The following KHDRBS2 variants were observed in gnomAD, a reference collection of about 807,000 sequenced individuals.
KHDRBS2 encodes KH domain-containing, RNA-binding, signal transduction-associated protein 2.
KHDRBS2 carries 26 observed loss-of-function variants against 44.3 expected under a neutral mutation model. That is an observed-to-expected ratio of 0.59 (90% CI 0.43 to 0.81). The LOEUF (loss-of-function observed/expected upper bound fraction) is 0.81. KHDRBS2 is among the 40% of genes least tolerant of loss of function. The pLI, the probability that KHDRBS2 is intolerant of heterozygous loss-of-function variation, is 0.00. For synonymous variants in KHDRBS2, 194 were observed against 151.1 expected (o/e 1.28, Z -2.08); for missense variants, 476 against 433.1 (o/e 1.10, Z -0.88).
rs147468033 is a variant in KHDRBS2 at position 62,223,487 on chromosome 6, T to C, written c.92-46175A>G. On this transcript the variant is annotated intron_variant, in intron 1 of 8. Transcript: ENST00000281156. ...GACATTTTCCCCATTGTCTTGGGGA[T>C]TAACATTTGGCTCCTTGTTACTTAT... Among the ~76,000 whole-genome samples, 1,115 of 152,326 alleles carry C rather than the reference T, an allele frequency of 7.3e-3. 7 individuals carry two copies. Among genetic ancestry groups the C allele is most frequent in the Non-Finnish European group, 0.012 (832 of 68,026 alleles).
intron 2 of KHDRBS2, among the ~76,000 whole-genome samples, chr6:62,105,223 C>T (rs1047703686): frequency 1.3e-5 from 2 of 152,070 alleles, no homozygotes; most frequent in Non-Finnish European, 1.5e-5. Context: ...TAATTCTACA[C>T]CAATTCTTCC....
At chr6:61,587,699 A>G in the KHDRBS2 span, among the ~76,000 whole-genome samples, 4 of 152,148 alleles carry the variant, frequency 2.6e-5, no homozygotes, top group Non-Finnish European at 2.9e-5. Flanking sequence ...TCTTTATGCT[A>G]TAAGAACAAT....
At chr6:62,116,610 A>T (rs1425121897) in intron 2 of KHDRBS2, among the ~76,000 whole-genome samples, 3 of 152,184 alleles carry the variant, frequency 2.0e-5, no homozygotes, top group African/African-American at 7.2e-5. Context: ...TGTGTTGGGA[A>T]CATTCTAAAG....
rs200082850 is a variant in KHDRBS2 at position 62,240,662 on chromosome 6, A to ATGTG, written c.91+45192_91+45195dup. Reference sequence around the variant, plus strand: ...TATGTGTGTGTGTATGTGTGTATGTATGTGTGTGTGTATATATATATATAT... The same window carrying ATGTG: ...TATGTGTGTGTGTATGTGTGTATGTATGTGTGTGTGTGTGTATATATATATATAT... On this transcript the variant is annotated intron_variant, in intron 1 of 8. Transcript: ENST00000281156. Among the ~76,000 whole-genome samples, 257 of 87,926 alleles carry ATGTG rather than the reference A, an allele frequency of 2.9e-3. 1 individual carries two copies. The highest frequency in any genetic ancestry group is 4.5e-3 in the Non-Finnish European group (192 of 42,926). 57.7% of individuals were successfully genotyped at this position (87,926 alleles called of 152,430 possible). A position where few individuals can be genotyped will look rare whatever the true frequency, so the allele number is the denominator to read the frequency against.
intron 6 of KHDRBS2, among the ~76,000 whole-genome samples, chr6:61,823,395 T>C (rs1286784730): frequency 1.3e-5 from 2 of 152,106 alleles, no homozygotes; most frequent in Non-Finnish European, 2.9e-5. Context: ...CAGAATATCA[T>C]TGCTATTCTT....
chr6:61,900,504 C>T (rs1002544946), intron 5 of KHDRBS2, among the ~76,000 whole-genome samples: 6 of 151,940 alleles, frequency 3.9e-5, no homozygotes, highest in Non-Finnish European at 8.8e-5. Context: ...CAAACCAATG[C>T]CTTCTATTAA....
At chr6:61,920,659 G>A (rs1353957148) in intron 4 of KHDRBS2, among the ~76,000 whole-genome samples, 10 of 151,880 alleles carry the variant, frequency 6.6e-5, no homozygotes, top group Admixed American at 1.3e-4. Context: ...TAAGGTCTAG[G>A]GTGAGAATAT....
At chr6:61,564,803 A>G in the KHDRBS2 span, among the ~76,000 whole-genome samples, 2 of 152,088 alleles carry the variant, frequency 1.3e-5, no homozygotes, top group South Asian at 2.1e-4. Flanking sequence ...AATATTATGT[A>G]GACAAAAAAA....
the KHDRBS2 span, among the ~76,000 whole-genome samples, chr6:61,607,652 T>C: frequency 0.19 from 29,098 of 151,314 alleles, 3,237 homozygotes; most frequent in South Asian, 0.33. Context: ...CTCAAGAAGA[T>C]GTAGAAATTA....
intron 1 of KHDRBS2, among the ~76,000 whole-genome samples, chr6:62,221,331 G>T (rs1830858877): frequency 6.6e-6 from 1 of 152,014 alleles, no homozygotes; most frequent in Non-Finnish European, 1.5e-5. Context: ...GGAGATATAT[G>T]TCAAAGGATA....
chr6:62,150,116 G>A (rs952323790), intron 2 of KHDRBS2, among the ~76,000 whole-genome samples: 1 of 152,052 alleles, frequency 6.6e-6, no homozygotes, highest in African/African-American at 2.4e-5. Flanking sequence ...GAGTCTTAGA[G>A]AGTCATCCAG....
At chr6:61,790,893 T>C (rs1237848838) in intron 6 of KHDRBS2, among the ~76,000 whole-genome samples, 1 of 151,544 alleles carries the variant, frequency 6.6e-6, no homozygotes, top group Non-Finnish European at 1.5e-5. Context: ...CATTATGGTC[T>C]AGAATTTTCT....
At chr6:62,133,613 G>A (rs1427940266) in intron 2 of KHDRBS2, among the ~76,000 whole-genome samples, 1 of 152,206 alleles carries the variant, frequency 6.6e-6, no homozygotes, top group Non-Finnish European at 1.5e-5. Flanking sequence ...TTGGAACTGG[G>A]TAATAGAGGC....
At position 62,191,642 on chromosome 6, in the gene KHDRBS2, C is replaced by T. The variant is rs377003308; in HGVS notation, c.92-14330G>A. Among the ~76,000 whole-genome samples the T allele has an allele frequency of 6.5e-4, 99 of 152,176 alleles. 1 individual carries two copies. The highest frequency in any genetic ancestry group is 2.3e-3 in the African/African-American group (97 of 41,538). ...CAGTCAGGCCCACCCATCAGCCTGTCCCTCTGAATAAATCTTTCTAGAAGA... is the reference window on the plus strand; with the variant it reads ...CAGTCAGGCCCACCCATCAGCCTGTTCCTCTGAATAAATCTTTCTAGAAGA... On this transcript the variant is annotated intron_variant, in intron 1 of 8. Coordinates refer to ENST00000281156, the MANE Select transcript of KHDRBS2 (RefSeq NM_152688.4).
At chr6:61,602,965 T>A in the KHDRBS2 span, among the ~76,000 whole-genome samples, 3 of 152,048 alleles carry the variant, frequency 2.0e-5, no homozygotes, top group Admixed American at 6.6e-5. Flanking sequence ...CTCCTTCACA[T>A]CCTTTCCTTG....
At chr6:62,186,456 T>C (rs1823433953) in intron 1 of KHDRBS2, among the ~76,000 whole-genome samples, 1 of 152,126 alleles carries the variant, frequency 6.6e-6, no homozygotes, top group Non-Finnish European at 1.5e-5. Flanking sequence ...GTCATGTATT[T>C]CACAAGCTTA....
chr6:61,740,561 C>T (rs935846047), intron 6 of KHDRBS2, among the ~76,000 whole-genome samples: 7 of 152,030 alleles, frequency 4.6e-5, no homozygotes, highest in Middle Eastern at 3.4e-3. Context: ...CATTTTCCCA[C>T]TATTTTCTTG....
At chr6:61,711,313 C>T (rs1770479172) in intron 7 of KHDRBS2, among the ~76,000 whole-genome samples, 1 of 151,478 alleles carries the variant, frequency 6.6e-6, no homozygotes, top group Non-Finnish European at 1.5e-5. Context: ...CTGAATAGTA[C>T]TTGAATAAAA....
chr6:61,779,299 T>A (rs1782579516), intron 6 of KHDRBS2, among the ~76,000 whole-genome samples: 1 of 152,080 alleles, frequency 6.6e-6, no homozygotes, highest in Non-Finnish European at 1.5e-5. Flanking sequence ...ATTGGGGCCA[T>A]AAAAAATAAC....
Sources: gnomAD v4.1 joint callset for allele counts (sites outside exome capture counted in the v4.1 genomes callset) on GRCh38, gnomAD v4.1.1 for gene constraint, MANE v1.5 for transcripts, NCBI Gene and HGNC (gene_info 2026-07-23, HGNC 2026-07-21) for gene names.